Variants in TMTC1 observed in about 807,000 individuals in gnomAD.
The protein encoded by TMTC1 is protein O-mannosyl-transferase TMTC1.
A neutral mutation model predicts 104.8 loss-of-function variants in TMTC1; 73 were observed. The ratio of observed to expected loss-of-function variants is 0.70; its 90% CI spans 0.58 to 0.85. The LOEUF is 0.85. Ranked by LOEUF, TMTC1 falls within the 40% of genes least tolerant of loss-of-function variation. The pLI is 0.00. For synonymous variants in TMTC1, 434 were observed against 428.7 expected (o/e 1.01, Z -0.15); for missense variants, 1,035 against 1,096.1 (o/e 0.94, Z 0.79).
intron 2 of TMTC1, among the ~76,000 whole-genome samples, chr12:29,762,956 C>T (rs1943386051): frequency 6.6e-6 from 1 of 152,200 alleles, no homozygotes; most frequent in Non-Finnish European, 1.5e-5. Context: ...AAACAGAGAG[C>T]CTAGCTCTCT....
chr12:29,601,912 T>C (rs1449780289), intron 7 of TMTC1, among the ~76,000 whole-genome samples: 1 of 150,946 alleles, frequency 6.6e-6, no homozygotes, highest in Non-Finnish European at 1.5e-5. Context: ...CTCAGCTCAC[T>C]GCAAGTTCCG....
chr12:29,593,184 A>G (rs182139809), intron 7 of TMTC1, among the ~76,000 whole-genome samples: 78 of 152,330 alleles, frequency 5.1e-4, no homozygotes, highest in African/African-American at 1.8e-3. Context: ...ACAATCTCTC[A>G]TGGAGCCTTT....
intron 5 of TMTC1, among the ~76,000 whole-genome samples, chr12:29,656,319 GATATAT>G (rs71045824): frequency 7.2e-6 from 1 of 139,352 alleles, no homozygotes; most frequent in Non-Finnish European, 1.5e-5. Context: ...AATTTCCCTG[GATATAT>G]ATATATATAT....
intron 5 of TMTC1, among the ~76,000 whole-genome samples, chr12:29,721,192 T>A (rs1942228400): frequency 6.6e-6 from 1 of 152,216 alleles, no homozygotes; most frequent in South Asian, 2.1e-4. Context: ...TATGCATGTG[T>A]GTGTGTTGAG....
intron 5 of TMTC1, among the ~76,000 whole-genome samples, chr12:29,727,701 A>G (rs923124318): frequency 6.6e-6 from 1 of 152,192 alleles, no homozygotes; most frequent in East Asian, 1.9e-4. Context: ...AATGTCAAAT[A>G]TTAAGAGGAT....
At chr12:29,738,543 A>G (rs1041500750) in intron 5 of TMTC1, among the ~76,000 whole-genome samples, 1 of 152,230 alleles carries the variant, frequency 6.6e-6, no homozygotes, top group Admixed American at 6.5e-5. Flanking sequence ...ATCAAGCCAG[A>G]AAAAGATATT....
At chr12:29,592,386 T>C (rs368261142) in intron 7 of TMTC1, among the ~76,000 whole-genome samples, 3 of 152,200 alleles carry the variant, frequency 2.0e-5, no homozygotes, top group African/African-American at 7.2e-5. Flanking sequence ...CAAAGACATT[T>C]CTGTGTATTT....
chr12:29,769,302 A>G (rs1406186936), intron 1 of TMTC1, among the ~76,000 whole-genome samples: 1 of 152,216 alleles, frequency 6.6e-6, no homozygotes, highest in African/African-American at 2.4e-5. Flanking sequence ...AACTAAGCCT[A>G]GAAAACTAAA....
At chr12:29,706,040 A>G (rs1304904411) in intron 5 of TMTC1, among the ~76,000 whole-genome samples, 2 of 152,206 alleles carry the variant, frequency 1.3e-5, no homozygotes, top group Non-Finnish European at 2.9e-5. Flanking sequence ...TCTCCAGGAT[A>G]TGTTTCCTAC....
chr12:29,522,514 G>A (rs1261450579), intron 11 of TMTC1, among the ~76,000 whole-genome samples: 4 of 152,028 alleles, frequency 2.6e-5, no homozygotes, highest in Non-Finnish European at 5.9e-5. Context: ...ATCTATTGAA[G>A]AGAAGCTTTC....
At chr12:29,781,675 A>T (rs958243869) in intron 1 of TMTC1, among the ~76,000 whole-genome samples, 23 of 152,320 alleles carry the variant, frequency 1.5e-4, no homozygotes, top group Admixed American at 3.9e-4. Context: ...AAAAAATTTT[A>T]AAATATATCT....
At chr12:29,707,656 G>A (rs1236614709) in intron 5 of TMTC1, among the ~76,000 whole-genome samples, 1 of 152,116 alleles carries the variant, frequency 6.6e-6, no homozygotes, top group Non-Finnish European at 1.5e-5. Context: ...TTATCCTTGG[G>A]TTGGCCTCTG....
rs376836156 is a variant in TMTC1, at chr12:29,688,575, G to A, written c.939-55239C>T. 6.8e-4 allele frequency among the ~76,000 whole-genome samples: 104 copies of A among 152,160 alleles called. 1 individual carries two copies. Among genetic ancestry groups the A allele is most frequent in the East Asian group, 1.9e-3 (10 of 5,192 alleles). ...CTCAGGTATCCATATCCCTGCCCACGCAGTGATGTCTCCAAAGTCAGGAAT... is the reference window on the plus strand; with the variant it reads ...CTCAGGTATCCATATCCCTGCCCACACAGTGATGTCTCCAAAGTCAGGAAT... On this transcript the variant is annotated intron_variant, in intron 5 of 17. Coordinates refer to ENST00000539277, the MANE Select transcript of TMTC1 (RefSeq NM_001193451.2).
At chr12:29,771,033 G>A (rs527341045) in intron 1 of TMTC1, among the ~76,000 whole-genome samples, 1 of 152,162 alleles carries the variant, frequency 6.6e-6, no homozygotes, top group African/African-American at 2.4e-5. Flanking sequence ...AACACCAAGA[G>A]TAGTGAATAA....
At chr12:29,534,632 T>C (rs1944592899) in intron 11 of TMTC1, 1 of 152,240 alleles carries the variant, frequency 6.6e-6, no homozygotes, top group Admixed American at 6.5e-5. Flanking sequence ...TACGTTATCC[T>C]GTTTAAACTT....
intron 1 of TMTC1, among the ~76,000 whole-genome samples, chr12:29,774,658 C>T (rs1943668115): frequency 6.6e-6 from 1 of 152,112 alleles, no homozygotes; most frequent in Non-Finnish European, 1.5e-5. Context: ...AAGAGGTTTC[C>T]ATAGTCTTCT....
intron 6 of TMTC1, among the ~76,000 whole-genome samples, chr12:29,605,463 A>G (rs1946672700): frequency 6.6e-6 from 1 of 151,750 alleles, no homozygotes; most frequent in African/African-American, 2.4e-5. Context: ...ATGGATCTAT[A>G]AGTAATGATC....
rs1939461298 is a variant in TMTC1 at position 29,650,389 on chromosome 12, CCTAA to C, written c.939-17057_939-17054del. ...TGTGAGCCACCTTGCCCAGCCCCTA[CCTAA>C]CTTTCTGATTTTGACTTCTGTGAAC... On this transcript the variant is annotated intron_variant, in intron 5 of 17. Coordinates refer to ENST00000539277, the MANE Select transcript of TMTC1 (RefSeq NM_001193451.2). Among the ~76,000 whole-genome samples the C allele has an allele frequency of 7.9e-5, 12 of 152,096 alleles. No individual in the cohort carries two copies. The South Asian group carries it at 2.5e-3, about 32-fold the overall frequency.
chr12:29,730,629 T>C (rs1384888658), intron 5 of TMTC1, among the ~76,000 whole-genome samples: 5 of 152,180 alleles, frequency 3.3e-5, no homozygotes, highest in Non-Finnish European at 7.4e-5. Flanking sequence ...GCAGCGAGGA[T>C]GGTGGCTACG....
Sources: allele counts gnomAD v4.1 joint callset (sites outside exome capture counted in the v4.1 genomes callset), GRCh38; gene constraint gnomAD v4.1.1; transcripts MANE v1.5; gene names NCBI Gene and HGNC (gene_info 2026-07-23, HGNC 2026-07-21).